The following SLC4A5 variants were observed in gnomAD, a reference collection of about 807,000 sequenced individuals.
SLC4A5 encodes the protein electrogenic sodium bicarbonate cotransporter 4.
SLC4A5 carries 96 observed loss-of-function variants against 120.4 expected under a neutral mutation model. The observed-to-expected ratio is 0.80, with a 90% CI of 0.68 to 0.94. The LOEUF (loss-of-function observed/expected upper bound fraction) is 0.94, where lower values mean the gene tolerates loss of function less well. Among genes scored for constraint, SLC4A5 ranks in the 40% least tolerant of loss-of-function variants. The probability of loss-of-function intolerance (pLI) is 0.00; values close to 1 mark genes in which losing one functional copy is unlikely to be tolerated. For missense variants in SLC4A5, 1,259 were observed against 1,459.5 expected (o/e 0.86, Z 2.24); for synonymous variants, 550 against 571.1 (o/e 0.96, Z 0.53).
rs374602113 is a variant in SLC4A5 at position 74,264,213 on chromosome 2, G to A, written c.649C>T (p.Arg217Cys). Residue 217 changes from arginine (R) to cysteine (C), a missense_variant, in exon 10 of 31, where the codon CGC becomes TGC. By Grantham distance (180) the Arg-to-Cys change is radical. Transcript: ENST00000394019. ...TGGATGGGCTTCTTGGTTTGGTGGCGGTGCCTCCTCAGGAGGACGTAACTG... is the reference window on the plus strand; with the variant it reads ...TGGATGGGCTTCTTGGTTTGGTGGCAGTGCCTCCTCAGGAGGACGTAACTG... The A allele has an allele frequency of 2.9e-5, 47 of 1,614,060 alleles. No homozygotes were observed. The highest frequency in any genetic ancestry group is 3.3e-5 in the South Asian group (3 of 91,084).
chr2:74,246,265 T>C (rs2103969144), intron 19 of SLC4A5, among the ~76,000 whole-genome samples: 1 of 152,344 alleles, frequency 6.6e-6, no homozygotes, highest in South Asian at 2.1e-4. Context: ...CCTTGGCAGA[T>C]GGACATCCAG....
At chr2:74,226,896 C>T (rs1694858371) in intron 27 of SLC4A5, 61 bp downstream of exon 27, 2 of 1,561,438 alleles carry the variant, frequency 1.3e-6, no homozygotes, top group African/African-American at 2.7e-5. Context: ...GGTTGCGCTG[C>T]ACCTCTGGGT....
intron 6 of SLC4A5, among the ~76,000 whole-genome samples, chr2:74,308,918 ATT>A (rs138962975): frequency 1.4e-5 from 2 of 144,300 alleles, no homozygotes; most frequent in African/African-American, 2.5e-5. Flanking sequence ...CTATGTCTGA[ATT>A]TTTTTTTTTT....
intron 5 of SLC4A5, chr2:74,319,390 A>G (rs954532409): frequency 1.3e-5 from 2 of 152,216 alleles, no homozygotes; most frequent in African/African-American, 2.4e-5. Context: ...TTAAAAAACT[A>G]TGTAGCTGGT....
intron 22 of SLC4A5, 142 bp from the exon 23 acceptor site, chr2:74,233,705 G>GGTAGCT: frequency 1.1e-6 from 1 of 941,206 alleles, no homozygotes; most frequent in East Asian, 2.7e-5. Context: ...AAACACCTTA[G>GGTAGCT]GTAGCTGCAA....
intron 10 of SLC4A5, among the ~76,000 whole-genome samples, chr2:74,263,866 C>A (rs1237593384): frequency 6.6e-6 from 1 of 152,230 alleles, no homozygotes; most frequent in Non-Finnish European, 1.5e-5. Context: ...CAAGGTGGGG[C>A]CCAGGCATTA....
chr2:74,328,874 A>C (rs1010797367), intron 4 of SLC4A5, among the ~76,000 whole-genome samples: 2 of 152,198 alleles, frequency 1.3e-5, no homozygotes, highest in African/African-American at 4.8e-5. Flanking sequence ...GTTTACATAA[A>C]CATGTGTACT....
At chr2:74,250,623 C>A (rs1248752659) in intron 16 of SLC4A5, 106 bp from the exon 17 acceptor site, 2 of 1,360,834 alleles carry the variant, frequency 1.5e-6, no homozygotes, top group Non-Finnish European at 2.0e-6. Context: ...AGGAACTTGA[C>A]CAGGGTGGAT....
intron 2 of SLC4A5, among the ~76,000 whole-genome samples, chr2:74,340,810 C>T (rs1673606825): frequency 6.6e-6 from 1 of 152,188 alleles, no homozygotes; most frequent in Non-Finnish European, 1.5e-5. Flanking sequence ...ACTCCCCATC[C>T]AGACCACCAT....
At chr2:74,322,712 A>G (rs1673126205) in intron 5 of SLC4A5, among the ~76,000 whole-genome samples, 1 of 152,228 alleles carries the variant, frequency 6.6e-6, no homozygotes, top group African/African-American at 2.4e-5. Context: ...AGGTCTCCCC[A>G]ACACTATGAG....
intron 6 of SLC4A5, among the ~76,000 whole-genome samples, chr2:74,310,767 T>C (rs747410988): frequency 7.9e-5 from 12 of 152,160 alleles, no homozygotes; most frequent in Non-Finnish European, 1.5e-4. Context: ...GTTTTTCTTC[T>C]TGTCATGCCT....
chr2:74,256,970 A>C (rs1004875292), intron 12 of SLC4A5, among the ~76,000 whole-genome samples: 17 of 152,068 alleles, frequency 1.1e-4, no homozygotes, highest in African/African-American at 4.1e-4. Context: ...CAATTTTCCT[A>C]CCAATCCCCC....
At chr2:74,304,329 T>C (rs994897969) in intron 7 of SLC4A5, among the ~76,000 whole-genome samples, 160 bp downstream of exon 7, 6 of 151,976 alleles carry the variant, frequency 3.9e-5, no homozygotes, top group African/African-American at 1.2e-4. Flanking sequence ...AGCAGGAAGG[T>C]TGGCCAACAA....
At chr2:74,270,355 A>G (rs1671433491) in intron 8 of SLC4A5, among the ~76,000 whole-genome samples, 1 of 152,238 alleles carries the variant, frequency 6.6e-6, no homozygotes, top group East Asian at 1.9e-4. Flanking sequence ...GTCCATTAGA[A>G]TAACTTGGAG....
At position 74,224,829 on chromosome 2, in the gene SLC4A5, A is replaced by T; in HGVS notation, c.3246+11T>A. ...TTTCTCCTCTGTGCCCCGGCCTCAC[A>T]TCTTCCCCACCTCCTCATCACAGTC... On this transcript the variant is annotated intron_variant, in intron 28 of 30. Transcript: ENST00000394019. The T allele has an allele frequency of 6.2e-7, 1 of 1,603,128 alleles. No homozygotes were observed. The highest frequency in any genetic ancestry group is 8.5e-7 in the Non-Finnish European group (1 of 1,177,474).
chr2:74,308,006 C>A, intron 6 of SLC4A5: 1 of 547,318 alleles, frequency 1.8e-6, no homozygotes, highest in South Asian at 1.4e-5. Flanking sequence ...TGGTGAAGCT[C>A]ATGCTGTCCG....
intron 8 of SLC4A5, among the ~76,000 whole-genome samples, chr2:74,282,733 C>T (rs1448868814): frequency 2.0e-5 from 3 of 152,226 alleles, no homozygotes; most frequent in African/African-American, 7.2e-5. Flanking sequence ...GCAAGGGCTC[C>T]ACGGGTGTGT....
In SLC4A5 at chr2:74,252,257, GC is replaced by G; in HGVS notation, c.1399del (p.Ala467ProfsTer87). 1 of 1,600,518 alleles carries G rather than the reference GC, an allele frequency of 6.2e-7. No individual in the cohort carries two copies. On this transcript the variant is annotated frameshift_variant, in exon 16 of 31. Coordinates refer to ENST00000394019, the Ensembl canonical transcript of SLC4A5. LOFTEE classifies it high-confidence loss of function. The stretch of plus-strand genomic sequence containing the variant: ...ATCATCCCCGCTGCTTGTTCCGCCG[GC>G]CCCGCCACTGCCAGCCCCGCCGCCA...
chr2:74,235,275 G>T, intron 21 of SLC4A5, 61 bp from the exon 22 acceptor site: 1 of 1,298,906 alleles, frequency 7.7e-7, no homozygotes, highest in Non-Finnish European at 1.1e-6. Context: ...GCTCCAGGCA[G>T]CCCCAGTCCT....
Sources: gnomAD v4.1 joint callset for allele counts (sites outside exome capture counted in the v4.1 genomes callset) on GRCh38, gnomAD v4.1.1 for gene constraint, MANE v1.5 for transcripts, NCBI Gene and HGNC (gene_info 2026-07-23, HGNC 2026-07-21) for gene names.